MINDY4: variants seen among roughly 807,000 people sequenced by gnomAD.
MINDY4 encodes the protein probable ubiquitin carboxyl-terminal hydrolase MINDY-4.
In MINDY4, 68 loss-of-function variants were observed where a neutral mutation model predicts 87.0. The observed-to-expected ratio is 0.78, with a 90% CI of 0.64 to 0.96. The LOEUF is 0.96. Ranked by LOEUF, MINDY4 falls within the 40% of genes least tolerant of loss-of-function variation. MINDY4 has a pLI of 0.00. For missense variants in MINDY4, 919 were observed against 928.2 expected, an observed-to-expected ratio of 0.99 and a Z score of 0.13; for synonymous variants, 379 against 363.2, an observed-to-expected ratio of 1.04 and a Z score of -0.50.
intron 4 of MINDY4, among the ~76,000 whole-genome samples, chr7:30,788,025 A>G (rs1787205739): frequency 6.6e-6 from 1 of 152,266 alleles, no homozygotes; most frequent in Admixed American, 6.5e-5. Context: ...TATATTTTTC[A>G]AAACAAAAAA....
chr7:30,878,168 C>T (rs778179301), intron 15 of MINDY4, among the ~76,000 whole-genome samples: 1 of 152,088 alleles, frequency 6.6e-6, no homozygotes, highest in Non-Finnish European at 1.5e-5. Flanking sequence ...CAGACACAGC[C>T]GTGGGAAGAC....
At chr7:30,814,546 G>T (rs1482382824) in intron 5 of MINDY4, among the ~76,000 whole-genome samples, 1 of 152,198 alleles carries the variant, frequency 6.6e-6, no homozygotes, top group African/African-American at 2.4e-5. Context: ...TTCTTATGCT[G>T]CTTTCTACAC....
chr7:30,861,193 C>CCAGG (rs1313304999), intron 13 of MINDY4, among the ~76,000 whole-genome samples: 7 of 152,356 alleles, frequency 4.6e-5, no homozygotes, highest in Admixed American at 1.3e-4. Context: ...GGTGTTCGGG[C>CCAGG]CAGGCAGGCA....
intron 7 of MINDY4, among the ~76,000 whole-genome samples, chr7:30,837,038 T>C (rs2128566130): frequency 6.6e-6 from 1 of 152,292 alleles, no homozygotes; most frequent in South Asian, 2.1e-4. Flanking sequence ...TGCTTCATCA[T>C]GTCCCTGTGG....
chr7:30,777,211 C>T (rs1044174874), intron 1 of MINDY4, among the ~76,000 whole-genome samples: 1 of 152,034 alleles, frequency 6.6e-6, no homozygotes, highest in Non-Finnish European at 1.5e-5. Flanking sequence ...GCATCACGCT[C>T]TAGAGCCAGG....
intron 6 of MINDY4, among the ~76,000 whole-genome samples, chr7:30,833,164 G>A (rs909176648): frequency 1.3e-5 from 2 of 152,156 alleles, no homozygotes; most frequent in Non-Finnish European, 2.9e-5. Flanking sequence ...GCTTTTCAGA[G>A]ACCCTAACTA....
At chr7:30,885,706 A>ACCCCCC (rs144436645) in intron 17 of MINDY4, among the ~76,000 whole-genome samples, 1 of 123,958 alleles carries the variant, frequency 8.1e-6, no homozygotes, top group African/African-American at 3.1e-5. Flanking sequence ...GGCAGTGCCC[A>ACCCCCC]CCCCCCCCCC....
intron 5 of MINDY4, among the ~76,000 whole-genome samples, chr7:30,816,462 C>T (rs1292907662): frequency 1.3e-5 from 2 of 152,106 alleles, no homozygotes; most frequent in Non-Finnish European, 2.9e-5. Context: ...GGGACACATA[C>T]GGAAAGAGAG....
intron 17 of MINDY4, among the ~76,000 whole-genome samples, chr7:30,883,968 GTGTC>G (rs1328012226): frequency 6.6e-6 from 1 of 152,188 alleles, no homozygotes; most frequent in African/African-American, 2.4e-5. Flanking sequence ...CTTGTGAAGA[GTGTC>G]TGGGACGTTA....
At chr7:30,877,660 CTCT>C (rs560853626) in intron 15 of MINDY4, among the ~76,000 whole-genome samples, 3,574 of 143,708 alleles carry the variant, frequency 0.025, 94 homozygotes, top group East Asian at 0.074. Flanking sequence ...AAGCCCTTCC[CTCT>C]TCTTCTTCTT....
intron 3 of MINDY4, among the ~76,000 whole-genome samples, chr7:30,782,499 C>T (rs951422807): frequency 5.3e-5 from 8 of 152,022 alleles, no homozygotes; most frequent in African/African-American, 9.7e-5. Context: ...GCTGGGAGTT[C>T]GAGTTCAGCC....
chr7:30,786,250 C>T (rs1023267107), intron 4 of MINDY4: 2 of 481,962 alleles, frequency 4.1e-6, no homozygotes. Context: ...TTCTGTTCCT[C>T]TGCTGGGTAA....
chr7:30,850,464 C>G lies in MINDY4; in HGVS notation c.1456C>G (p.Pro486Ala), dbSNP rs776055715. 64 of 1,611,966 alleles carry G rather than the reference C, an allele frequency of 4.0e-5. No individual in the cohort carries two copies. The Middle Eastern group carries it at 2.1e-3, about 54-fold the overall frequency. Residue 486 changes from proline to alanine, a missense_variant, in exon 10 of 18, where the codon CCT becomes GCT. Pro to Ala is a conservative substitution (Grantham distance 27). Transcript: ENST00000265299. Reference protein sequence around the residue: ...SKADCAQGLQPSDAHRTRCLV... With the variant: ...SKADCAQGLQASDAHRTRCLV... ...TTTTCTTGTCCGCAGGGGACTGCAG[C>G]CTTCAGATGCCCACCGGACCCGCTG...
chr7:30,872,395 A>T, intron 14 of MINDY4, 89 bp downstream of exon 14: 1 of 1,259,198 alleles, frequency 7.9e-7, no homozygotes, highest in Non-Finnish European at 1.1e-6. Flanking sequence ...CTTGCCCCAG[A>T]AAAAGACAAG....
chr7:30,850,469 A>G lies in MINDY4; in HGVS notation c.1461A>G (p.Ser487=). The G allele has an allele frequency of 1.2e-6, 2 of 1,612,364 alleles. No homozygotes were observed. The highest frequency in any genetic ancestry group is 1.7e-6 in the Non-Finnish European group (2 of 1,179,380). ...TTGTCCGCAGGGGACTGCAGCCTTCAGATGCCCACCGGACCCGCTGCCTCG... is the reference window on the plus strand; with the variant it reads ...TTGTCCGCAGGGGACTGCAGCCTTCGGATGCCCACCGGACCCGCTGCCTCG... ...KADCAQGLQP[S]DAHRTRCLVL... Residue 487 remains serine (S), a synonymous_variant, in exon 10 of 18, where the codon TCA becomes TCG. Coordinates refer to ENST00000265299, the MANE Select transcript of MINDY4 (RefSeq NM_032222.3).
At chr7:30,879,443 A>G (rs1228182209) in intron 15 of MINDY4, among the ~76,000 whole-genome samples, 2 of 152,196 alleles carry the variant, frequency 1.3e-5, no homozygotes, top group East Asian at 3.9e-4. Context: ...AGTCCGTGGT[A>G]TTTGTTATGG....
chr7:30,857,512 G>T (rs1239823110), intron 12 of MINDY4, among the ~76,000 whole-genome samples: 1 of 51,806 alleles, frequency 1.9e-5, no homozygotes, highest in Non-Finnish European at 2.7e-5. Flanking sequence ...TCGCTCTGTC[G>T]CCCAGGCTGG....
At chr7:30,818,031 C>T (rs900508024) in intron 5 of MINDY4, among the ~76,000 whole-genome samples, 4 of 152,140 alleles carry the variant, frequency 2.6e-5, no homozygotes, top group African/African-American at 9.7e-5. Flanking sequence ...TTGTTACTGA[C>T]TCTAGCAGGG....
chr7:30,888,295 C>T (rs1471735437), intron 17 of MINDY4, among the ~76,000 whole-genome samples: 2 of 152,190 alleles, frequency 1.3e-5, no homozygotes, highest in African/African-American at 4.8e-5. Flanking sequence ...TTGTGTGCCC[C>T]TGGGGTTATT....
Sources: allele counts gnomAD v4.1 joint callset (sites outside exome capture counted in the v4.1 genomes callset), GRCh38; gene constraint gnomAD v4.1.1; transcripts MANE v1.5; gene names NCBI Gene and HGNC (gene_info 2026-07-23, HGNC 2026-07-21).